Variants in BBOF1 observed in about 807,000 individuals in gnomAD.
BBOF1 encodes basal body-orientation factor 1.
In BBOF1, 62 loss-of-function variants were observed where a neutral mutation model predicts 68.0. That is an observed-to-expected ratio of 0.91 (90% CI 0.74 to 1.13). The LOEUF (loss-of-function observed/expected upper bound fraction) is 1.13. Among genes scored for constraint, BBOF1 ranks in the 50% most tolerant of loss-of-function variants. The probability of loss-of-function intolerance (pLI) is 0.00; values close to 1 mark genes in which losing one functional copy is unlikely to be tolerated. For synonymous variants in BBOF1, 208 were observed against 198.8 expected, an observed-to-expected ratio of 1.05 and a Z score of -0.39; for missense variants, 534 against 600.1, an observed-to-expected ratio of 0.89 and a Z score of 1.15.
At position 74,076,338 on chromosome 14, in the gene BBOF1, CA is replaced by C. The variant is rs556866974; in HGVS notation, n.1380-1857del. Among the ~76,000 whole-genome samples, 477 of 152,236 alleles carry C rather than the reference CA, an allele frequency of 3.1e-3. 2 individuals carry two copies. The highest frequency in any genetic ancestry group is 5.6e-3 in the Non-Finnish European group (384 of 68,032). On this transcript the variant is annotated intron_variant and non_coding_transcript_variant, in intron 9 of 12. Coordinates refer to the BBOF1 transcript ENST00000492026. ...ACAAGATAACTCTCAAATTGTAACT[CA>C]CTAAAAAAGTCTGTATATATGTTAT... is the stretch of plus-strand genomic sequence containing the variant.
At chr14:74,040,718 C>A in intron 5 of BBOF1, 73 bp downstream of exon 5, 1 of 824,256 alleles carries the variant, frequency 1.2e-6, no homozygotes, top group Non-Finnish European at 1.9e-6. Context: ...CATTCTGAAA[C>A]ATCAGCCTTC....
chr14:74,023,925 C>CAAAA (rs780429164), intron 2 of BBOF1, among the ~76,000 whole-genome samples: 2 of 46,792 alleles, frequency 4.3e-5, no homozygotes, highest in Non-Finnish European at 9.1e-5. Context: ...GACTCCATCT[C>CAAAA]AAAAAAAAAA....
intron 2 of BBOF1, among the ~76,000 whole-genome samples, chr14:74,023,626 A>C (rs1353391263): frequency 6.6e-6 from 1 of 152,142 alleles, no homozygotes; most frequent in Admixed American, 6.6e-5. Flanking sequence ...ATTTGGAAGA[A>C]AAAAGGAGGC....
At chr14:74,039,728 G>A (rs957578253) in intron 4 of BBOF1, among the ~76,000 whole-genome samples, 5 of 151,922 alleles carry the variant, frequency 3.3e-5, no homozygotes, top group African/African-American at 1.2e-4. Flanking sequence ...ATGAGCCACT[G>A]TACCCAACCT....
chr14:74,057,861 G>C (rs530348209), intron 11 of BBOF1: 20 of 1,030,724 alleles, frequency 1.9e-5, no homozygotes, highest in Non-Finnish European at 2.2e-5. Flanking sequence ...GGCCAGATGA[G>C]TTGTTTCTAA....
chr14:74,036,973 C>CTTTTTTTTTTTTTTTTTTTT (rs548819182), intron 4 of BBOF1, among the ~76,000 whole-genome samples: 15 of 104,362 alleles, frequency 1.4e-4, no homozygotes, highest in Non-Finnish European at 2.1e-4. Flanking sequence ...TTTCTTTTTT[C>CTTTTTTTTTTTTTTTTTTTT]TTTTTTTTTT....
intron 5 of BBOF1, among the ~76,000 whole-genome samples, chr14:74,043,316 C>T (rs531643924): frequency 2.0e-5 from 3 of 150,350 alleles, no homozygotes; most frequent in Non-Finnish European, 4.4e-5. Flanking sequence ...TTTGGGAGGC[C>T]GAGGCGGGTG....
intron 11 of BBOF1, chr14:74,060,278 G>A (rs576612358): frequency 4.0e-6 from 1 of 249,364 alleles, no homozygotes; most frequent in African/African-American, 2.2e-5. Context: ...GGAATTACAG[G>A]CGTGAGCCAC....
chr14:74,075,086 TAC>T, intron 9 of BBOF1: 3 of 1,377,062 alleles, frequency 2.2e-6, no homozygotes, highest in Non-Finnish European at 2.1e-6. Context: ...AGCAAATAGC[TAC>T]TATATGCTAT....
downstream of BBOF1, chr14:74,066,708 G>T: frequency 6.2e-7 from 1 of 1,613,902 alleles, no homozygotes; most frequent in South Asian, 1.1e-5. Context: ...TGTTCACCTT[G>T]ACATTCGAGA....
chr14:74,035,413 C>CTTTTT (rs35957144), intron 4 of BBOF1, among the ~76,000 whole-genome samples: 3 of 97,350 alleles, frequency 3.1e-5, no homozygotes, highest in Admixed American at 2.4e-4. Context: ...CATATGGGCC[C>CTTTTT]TTTTTTTTTT....
chr14:74,078,166 C>T (rs1384804250), intron 9 of BBOF1: 2 of 455,172 alleles, frequency 4.4e-6, no homozygotes, highest in Non-Finnish European at 4.4e-6. Flanking sequence ...CTTGTACTTT[C>T]AGGAGCTGAC....
In BBOF1 at chr14:74,065,177, G is replaced by A. The variant is rs765177788; in HGVS notation, c.*478G>A. On this transcript the variant is annotated 3_prime_UTR_variant, in exon 12 of 12. Transcript: ENST00000394009. ...AGAATCTCTTAAAAATTCTGTTCAC[G>A]AACCTGTCCAACATCCACCAAGTGG... 11 of 1,613,948 alleles carry A rather than the reference G, an allele frequency of 6.8e-6. No homozygotes were observed. The highest frequency in any genetic ancestry group is 2.2e-5 in the South Asian group (2 of 91,052).
At chr14:74,077,880 T>TG (rs1419569965) in intron 9 of BBOF1, among the ~76,000 whole-genome samples, 2 of 152,188 alleles carry the variant, frequency 1.3e-5, no homozygotes, top group Non-Finnish European at 2.9e-5. Flanking sequence ...AGATTAAACC[T>TG]GATCAGGACT....
chr14:74,029,353 G>A (rs1194950079), intron 3 of BBOF1, 104 bp downstream of exon 3: 2 of 689,108 alleles, frequency 2.9e-6, no homozygotes, highest in Non-Finnish European at 5.1e-6. Flanking sequence ...AGTTCTCTGG[G>A]CAGGCTAATG....
rs1304127801 is a variant in BBOF1 at position 74,046,123 on chromosome 14, G to A, written c.640G>A (p.Ala214Thr). ...GCTAGCAGAGAGAGCCCACCATGAG[G>A]CTATTGTGTAAGAGACTGCTGCCTA... ...IMLAERAHHE[A>T]IVQLNDAGRN... Residue 214 changes from alanine (A) to threonine (T), a missense_variant, in exon 6 of 12, where the codon GCT (alanine) becomes ACT (threonine). Transcript: ENST00000394009. The A allele has an allele frequency of 6.2e-7, 1 of 1,606,488 alleles. No individual in the cohort carries two copies. Among genetic ancestry groups the A allele is most frequent in the Admixed American group, 1.7e-5 (1 of 58,780 alleles).
At chr14:74,020,608 A>G (rs559807434) in intron 1 of BBOF1, among the ~76,000 whole-genome samples, 3 of 152,096 alleles carry the variant, frequency 2.0e-5, no homozygotes, top group African/African-American at 7.2e-5. Context: ...GGTTCAACCA[A>G]TTCTCCTGCC....
intron 4 of BBOF1, among the ~76,000 whole-genome samples, chr14:74,038,693 T>A (rs2059764132): frequency 6.6e-6 from 1 of 152,090 alleles, no homozygotes; most frequent in East Asian, 1.9e-4. Context: ...GTATTCAAAG[T>A]GTATGTTTTA....
intron 2 of BBOF1, among the ~76,000 whole-genome samples, chr14:74,028,099 G>A (rs1164237301): frequency 3.9e-5 from 6 of 152,144 alleles, no homozygotes; most frequent in Non-Finnish European, 7.4e-5. Flanking sequence ...CAGGCACAGT[G>A]GCTCATGCCT....
Sources: allele counts gnomAD v4.1 joint callset (sites outside exome capture counted in the v4.1 genomes callset), GRCh38; gene constraint gnomAD v4.1.1; transcripts MANE v1.5; gene names NCBI Gene and HGNC (gene_info 2026-07-23, HGNC 2026-07-21).